SLC4A4: variants seen among roughly 807,000 people sequenced by gnomAD.
The protein encoded by SLC4A4 is electrogenic sodium bicarbonate cotransporter 1.
SLC4A4 carries 27 observed loss-of-function variants against 111.5 expected under a neutral mutation model. The observed-to-expected ratio is 0.24, with a 90% confidence interval of 0.18 to 0.33. SLC4A4 has a LOEUF of 0.33. SLC4A4 is among the 10% of genes least tolerant of loss of function. SLC4A4 has a pLI of 1.00. For synonymous variants in SLC4A4, 443 were observed against 463.4 expected (o/e 0.96, Z 0.57); for missense variants, 909 against 1,315.5 (o/e 0.69, Z 4.78).
intron 1 of SLC4A4, among the ~76,000 whole-genome samples, chr4:71,216,129 G>C (rs535208847): frequency 6.6e-6 from 1 of 151,824 alleles, no homozygotes; most frequent in African/African-American, 2.4e-5. Flanking sequence ...TGCTGGTCTC[G>C]AACTCCTGGC....
intron 8 of SLC4A4, 62 bp downstream of exon 8, chr4:71,440,835 G>C (rs1724648762): frequency 6.4e-7 from 1 of 1,560,090 alleles, no homozygotes; most frequent in Non-Finnish European, 8.8e-7. Context: ...TCCCATTCAG[G>C]CTGGAGAATC....
At chr4:71,391,705 G>A (rs900488370) in intron 6 of SLC4A4, among the ~76,000 whole-genome samples, 1 of 151,832 alleles carries the variant, frequency 6.6e-6, no homozygotes, top group Admixed American at 6.6e-5. Context: ...ACTTGAGACT[G>A]GTTCTTCTTC....
At chr4:71,399,311 C>G (rs113825562) in intron 7 of SLC4A4, among the ~76,000 whole-genome samples, 23 of 151,998 alleles carry the variant, frequency 1.5e-4, no homozygotes, top group African/African-American at 4.8e-4. Flanking sequence ...TTTCAAGAAG[C>G]CATATTCATG....
chr4:71,211,636 G>A (rs1718133795), intron 1 of SLC4A4, among the ~76,000 whole-genome samples: 1 of 152,180 alleles, frequency 6.6e-6, no homozygotes, highest in Admixed American at 6.5e-5. Context: ...AAGTGTTGGA[G>A]CTCTGCCCTA....
At chr4:71,506,181 T>G (rs1205125312) in intron 16 of SLC4A4, among the ~76,000 whole-genome samples, 2 of 152,192 alleles carry the variant, frequency 1.3e-5, no homozygotes, top group Non-Finnish European at 2.9e-5. Flanking sequence ...CTTTTTTGGT[T>G]TCATATGAAT....
intron 3 of SLC4A4, 64 bp from the exon 4 acceptor site, chr4:71,339,306 C>T (rs774453609): frequency 1.2e-5 from 19 of 1,613,972 alleles, no homozygotes; most frequent in Middle Eastern, 1.6e-4. Context: ...AGGAAGAGCC[C>T]GGAGCTCCAC....
chr4:71,123,748 G>T (rs1452887), intron 2 of SLC4A4, among the ~76,000 whole-genome samples: 151,909 of 152,352 alleles, frequency 1, 75,735 homozygotes, highest in Middle Eastern at 1. Context: ...ATGATCTAGT[G>T]CACCGTTTGA....
chr4:71,417,138 A>G (rs1362204457), intron 7 of SLC4A4, among the ~76,000 whole-genome samples: 1 of 152,208 alleles, frequency 6.6e-6, no homozygotes, highest in Non-Finnish European at 1.5e-5. Flanking sequence ...ACAAACATTT[A>G]TGGAATGCTT....
chr4:71,256,262 G>C (rs1721444721), intron 3 of SLC4A4, among the ~76,000 whole-genome samples: 1 of 152,144 alleles, frequency 6.6e-6, no homozygotes. Flanking sequence ...TATGGACCCT[G>C]CAATAAAATG....
intron 6 of SLC4A4, among the ~76,000 whole-genome samples, chr4:71,391,287 A>G (rs1719233472): frequency 6.6e-6 from 1 of 152,064 alleles, no homozygotes; most frequent in African/African-American, 2.4e-5. Context: ...AATTTATTTC[A>G]TAGGCCATGA....
intron 6 of SLC4A4, among the ~76,000 whole-genome samples, chr4:71,364,253 GT>G (rs1731048263): frequency 6.6e-6 from 1 of 152,134 alleles, no homozygotes; most frequent in South Asian, 2.1e-4. Context: ...TAGCATTGTG[GT>G]TATGAGCAAT....
chr4:71,333,695 T>C (rs1190401675), intron 3 of SLC4A4, among the ~76,000 whole-genome samples: 1 of 152,156 alleles, frequency 6.6e-6, no homozygotes, highest in African/African-American at 2.4e-5. Context: ...AGGAATCTAT[T>C]TGGTACTCTA....
intron 2 of SLC4A4, among the ~76,000 whole-genome samples, chr4:71,152,762 C>T (rs909081448): frequency 6.6e-6 from 1 of 151,908 alleles, no homozygotes; most frequent in Non-Finnish European, 1.5e-5. Context: ...ATGGGTCTGC[C>T]TTTCCCAGCC....
intron 16 of SLC4A4, among the ~76,000 whole-genome samples, chr4:71,523,150 G>A (rs1733107358): frequency 1.3e-5 from 2 of 151,426 alleles, no homozygotes; most frequent in African/African-American, 4.8e-5. Flanking sequence ...ATTAAAACAG[G>A]AGTAAGAAAT....
At chr4:71,229,546 A>G (rs1719269124) in intron 1 of SLC4A4, among the ~76,000 whole-genome samples, 3 of 152,170 alleles carry the variant, frequency 2.0e-5, no homozygotes, top group Admixed American at 6.5e-5. Context: ...GCTCTCACCT[A>G]TTTCCCTCTG....
chr4:71,108,177 A>G (rs28846195), intron 2 of SLC4A4, among the ~76,000 whole-genome samples: 5 of 152,218 alleles, frequency 3.3e-5, no homozygotes, highest in Non-Finnish European at 7.3e-5. Flanking sequence ...TATGTAGAAA[A>G]CAAAATGTAA....
chr4:71,246,606 G>C (rs1560810044), intron 2 of SLC4A4, among the ~76,000 whole-genome samples: 1 of 152,192 alleles, frequency 6.6e-6, no homozygotes, highest in East Asian at 1.9e-4. Context: ...TTTTGGAGCA[G>C]TTTATGGAAC....
intron 2 of SLC4A4, among the ~76,000 whole-genome samples, chr4:71,154,943 C>T (rs1347234575): frequency 2.6e-5 from 4 of 152,162 alleles, no homozygotes; most frequent in Admixed American, 2.0e-4. Flanking sequence ...ATTCATAATT[C>T]CTTTTATTCT....
chr4:71,232,802 G>A (rs1391605052), intron 1 of SLC4A4, among the ~76,000 whole-genome samples: 1 of 152,222 alleles, frequency 6.6e-6, no homozygotes, highest in East Asian at 1.9e-4. Context: ...TGAAAAAAAG[G>A]CAACAAAAGA....
Sources: gnomAD v4.1 joint callset for allele counts (sites outside exome capture counted in the v4.1 genomes callset) on GRCh38, gnomAD v4.1.1 for gene constraint, MANE v1.5 for transcripts, NCBI Gene and HGNC (gene_info 2026-07-23, HGNC 2026-07-21) for gene names.